Variants in GLIS3 observed in about 807,000 individuals in gnomAD.
GLIS3 encodes GLIS family zinc finger 3, also known as zinc finger protein GLIS3.
GLIS3 carries 53 observed loss-of-function variants against 78.6 expected under a neutral mutation model. The ratio of observed to expected loss-of-function variants is 0.67; its 90% CI spans 0.54 to 0.85. The LOEUF is 0.85. GLIS3 is among the 40% of genes least tolerant of loss of function. GLIS3 has a pLI of 0.00. For missense variants in GLIS3, 1,703 were observed against 1,231.1 expected (o/e 1.38, Z -5.74); for synonymous variants, 684 against 509.9 (o/e 1.34, Z -4.60).
the GLIS3 span, among the ~76,000 whole-genome samples, chr9:4,483,817 G>A: frequency 6.6e-6 from 1 of 152,072 alleles, no homozygotes; most frequent in Admixed American, 6.6e-5. Flanking sequence ...TACTGACAGG[G>A]AAAACTTACA....
intron 2 of GLIS3, among the ~76,000 whole-genome samples, chr9:4,178,353 G>T (rs570133934): frequency 6.6e-6 from 1 of 152,248 alleles, no homozygotes; most frequent in South Asian, 2.1e-4. Context: ...GAAGAGGTTG[G>T]ACAGGAGATC....
chr9:4,301,079 A>G (rs4741945), upstream of GLIS3, among the ~76,000 whole-genome samples: 4,244 of 152,242 alleles, frequency 0.028, 143 homozygotes, highest in Admixed American at 0.098. Context: ...CAAAACTAAA[A>G]GACTATTGGC....
the GLIS3 span, among the ~76,000 whole-genome samples, chr9:4,473,163 G>A: frequency 2.0e-5 from 3 of 152,030 alleles, no homozygotes; most frequent in Non-Finnish European, 4.4e-5. Flanking sequence ...CAACCTAAAT[G>A]GCCATCAATG....
At chr9:4,080,549 T>C (rs972902770) in intron 4 of GLIS3, among the ~76,000 whole-genome samples, 1 of 152,238 alleles carries the variant, frequency 6.6e-6, no homozygotes, top group Non-Finnish European at 1.5e-5. Flanking sequence ...ATGTGTATTC[T>C]ACCCCATTTA....
chr9:4,062,311 T>C (rs771843486), intron 4 of GLIS3, among the ~76,000 whole-genome samples: 3 of 152,166 alleles, frequency 2.0e-5, no homozygotes, highest in African/African-American at 2.4e-5. Flanking sequence ...CAGTTTCCCA[T>C]ATTGAAAATA....
chr9:4,303,697 C>T (rs1316234814), upstream of GLIS3, among the ~76,000 whole-genome samples: 3 of 152,176 alleles, frequency 2.0e-5, no homozygotes, highest in African/African-American at 7.2e-5. Context: ...CATACAATAT[C>T]TCTCAATCTT....
At chr9:4,425,993 G>C in the GLIS3 span, among the ~76,000 whole-genome samples, 1 of 152,184 alleles carries the variant, frequency 6.6e-6, no homozygotes, top group African/African-American at 2.4e-5. Flanking sequence ...AGTACCCTTA[G>C]AGAAACTGAG....
chr9:4,284,871 A>C (rs1299051579), intron 2 of GLIS3, among the ~76,000 whole-genome samples: 6 of 152,164 alleles, frequency 3.9e-5, no homozygotes, highest in African/African-American at 7.2e-5. Flanking sequence ...TGAGACCAAG[A>C]TCATGCCACT....
intron 2 of GLIS3, among the ~76,000 whole-genome samples, chr9:4,149,712 T>G (rs1406201561): frequency 6.6e-6 from 1 of 152,184 alleles, no homozygotes; most frequent in Non-Finnish European, 1.5e-5. Context: ...AACATGAAAT[T>G]CATTTGTTAT....
At chr9:4,337,759 T>C (rs1817774849) in intron 2 of GLIS3, among the ~76,000 whole-genome samples, 1 of 152,096 alleles carries the variant, frequency 6.6e-6, no homozygotes, top group South Asian at 2.1e-4. Context: ...AGCATAATAG[T>C]AGAGGTGGTA....
intron 6 of GLIS3, among the ~76,000 whole-genome samples, chr9:3,906,426 CTG>C (rs1823707704): frequency 6.6e-6 from 1 of 152,178 alleles, no homozygotes; most frequent in African/African-American, 2.4e-5. Context: ...GCTGAATTCA[CTG>C]TGTAATATGA....
intron 4 of GLIS3, among the ~76,000 whole-genome samples, chr9:4,013,125 T>C (rs1822165793): frequency 6.6e-6 from 1 of 152,138 alleles, no homozygotes; most frequent in African/African-American, 2.4e-5. Flanking sequence ...TCTGTGACAG[T>C]GTAGCTGTTG....
At chr9:4,085,114 G>C (rs1379924156) in intron 4 of GLIS3, among the ~76,000 whole-genome samples, 1 of 151,982 alleles carries the variant, frequency 6.6e-6, no homozygotes, top group Non-Finnish European at 1.5e-5. Flanking sequence ...TAAATAAAAA[G>C]CTCTCTCTCA....
chr9:4,133,696 T>C (rs540835997), intron 2 of GLIS3, among the ~76,000 whole-genome samples: 30 of 152,286 alleles, frequency 2.0e-4, no homozygotes, highest in Middle Eastern at 3.4e-3. Flanking sequence ...ACTTAATACA[T>C]TGTTAGTTCT....
chr9:4,480,513 T>C, the GLIS3 span, among the ~76,000 whole-genome samples: 2 of 152,146 alleles, frequency 1.3e-5, no homozygotes, highest in Admixed American at 1.3e-4. Context: ...GCTTTAGATA[T>C]TCTAATGAAG....
intron 4 of GLIS3, chr9:4,054,584 T>C (rs1245350345): frequency 1.6e-6 from 1 of 615,320 alleles, no homozygotes; most frequent in African/African-American, 2.0e-5. Context: ...GTCACAAAGC[T>C]GCCTCCTTGA....
intron 2 of GLIS3, among the ~76,000 whole-genome samples, chr9:4,280,422 T>C (rs1827439937): frequency 6.6e-6 from 1 of 152,236 alleles, no homozygotes; most frequent in Non-Finnish European, 1.5e-5. Context: ...ACATGAAAGA[T>C]ACTGGCTTAG....
the GLIS3 span, among the ~76,000 whole-genome samples, chr9:4,367,960 A>G: frequency 6.6e-6 from 1 of 152,224 alleles, no homozygotes; most frequent in Non-Finnish European, 1.5e-5. Context: ...CCAAACCTAT[A>G]AGAAAGAACA....
At chr9:4,321,517 AATTACCC>A (rs1399501059) in intron 2 of GLIS3, among the ~76,000 whole-genome samples, 7 of 147,536 alleles carry the variant, frequency 4.7e-5, no homozygotes, top group Non-Finnish European at 1.0e-4. Flanking sequence ...TATGCTATTA[AATTACCC>A]AGTGCATGGT....
Sources: allele counts gnomAD v4.1 joint callset (sites outside exome capture counted in the v4.1 genomes callset), GRCh38; gene constraint gnomAD v4.1.1; transcripts MANE v1.5; gene names NCBI Gene and HGNC (gene_info 2026-07-23, HGNC 2026-07-21).